RCOR1: variants seen among roughly 807,000 people sequenced by gnomAD.
The protein encoded by RCOR1 is REST corepressor 1.
In RCOR1, 12 loss-of-function variants were observed where a neutral mutation model predicts 64.0. The observed-to-expected ratio is 0.19, with a 90% CI of 0.12 to 0.30. The LOEUF is 0.30. Among genes scored for constraint, RCOR1 ranks in the 10% least tolerant of loss-of-function variants. The pLI, the probability that RCOR1 is intolerant of heterozygous loss-of-function variation, is 1.00. For missense variants in RCOR1, 502 were observed against 621.2 expected (o/e 0.81, Z 2.04); for synonymous variants, 279 against 227.2 (o/e 1.23, Z -2.05).
At chr14:102,593,363 G>A in intron 2 of RCOR1, 38 bp downstream of exon 2, 1 of 1,494,512 alleles carries the variant, frequency 6.7e-7, no homozygotes, top group Non-Finnish European at 8.8e-7. Context: ...GCGGGGATGA[G>A]CGGGAGCCCC....
At chr14:102,692,054 T>C (rs1435167106) in intron 3 of RCOR1, among the ~76,000 whole-genome samples, 1 of 152,238 alleles carries the variant, frequency 6.6e-6, no homozygotes, top group African/African-American at 2.4e-5. Flanking sequence ...TTGTTGGACT[T>C]ATACGTGTTA....
In RCOR1 at chr14:102,636,681, T is replaced by C. The variant is rs182841364; in HGVS notation, c.361+43356T>C. On this transcript the variant is annotated intron_variant, in intron 2 of 11. Transcript: ENST00000262241. ...TGAGTTTCTTATTGGTTTATAAGAA[T>C]TTTTTTTGCTGGGTGCAGTGGCTCA... Among the ~76,000 whole-genome samples, 20 of 152,004 alleles carry C rather than the reference T, an allele frequency of 1.3e-4. No individual in the cohort carries two copies. The East Asian group carries it at 3.9e-3, about 29-fold the overall frequency.
rs116255471 is a variant in RCOR1, at chr14:102,700,678, G to C, written c.446-600G>C. On this transcript the variant is annotated intron_variant, in intron 3 of 11. Transcript: ENST00000262241. ...GCCTTTGTTTTTCTCTTTTAAAGAA[G>C]ACTCATAATCTCATCACCAGGTGAT... 2.6e-3 allele frequency among the ~76,000 whole-genome samples: 395 copies of C among 152,344 alleles called. 2 individuals are homozygous for C. Among genetic ancestry groups the C allele is most frequent in the African/African-American group, 8.7e-3 (362 of 41,576 alleles).
chr14:102,729,711 C>T lies in RCOR1; in HGVS notation c.*3205C>T, dbSNP rs897852103. 1.0e-5 allele frequency: 4 copies of T among 397,204 alleles called. No individual in the cohort carries two copies. The highest frequency in any genetic ancestry group is 1.8e-5 in the Non-Finnish European group (4 of 225,534). 24.6% of individuals were successfully genotyped at this position (397,204 alleles called of 1,614,324 possible). ...TGCTCATTGTCACTTTAAATTTCAACGATACCCTATTTTTGTCATTCTAAA... is the reference window on the plus strand; with the variant it reads ...TGCTCATTGTCACTTTAAATTTCAATGATACCCTATTTTTGTCATTCTAAA... On this transcript the variant is annotated 3_prime_UTR_variant, in exon 12 of 12. Coordinates refer to ENST00000262241, the MANE Select transcript of RCOR1 (RefSeq NM_015156.4).
rs560749750 is a variant in RCOR1, at chr14:102,618,670, G to A, written c.361+25345G>A. 5.9e-5 allele frequency among the ~76,000 whole-genome samples: 9 copies of A among 152,278 alleles called. No individual in the cohort carries two copies. The East Asian group carries it at 7.7e-4, about 13-fold the overall frequency. The stretch of plus-strand genomic sequence containing the variant: ...GTTTAGTAATTTGCTTTTAAGTGAC[G>A]TTTGTACATTTTAGAAAATAACTTT... On this transcript the variant is annotated intron_variant, in intron 2 of 11. Coordinates refer to ENST00000262241, the MANE Select transcript of RCOR1 (RefSeq NM_015156.4).
intron 2 of RCOR1, chr14:102,658,741 C>A: frequency 1.6e-6 from 1 of 619,114 alleles, no homozygotes; most frequent in Non-Finnish European, 2.0e-6. Flanking sequence ...CCATTAATGT[C>A]CATTTCTGTT....
At chr14:102,655,397 T>G in intron 2 of RCOR1, 4 of 985,392 alleles carry the variant, frequency 4.1e-6, no homozygotes, top group Non-Finnish European at 4.8e-6. Context: ...TGAAGCTCAT[T>G]GACATTCCTT....
chr14:102,598,786 G>C (rs1248814829), intron 2 of RCOR1, among the ~76,000 whole-genome samples: 1 of 152,052 alleles, frequency 6.6e-6, no homozygotes, highest in Non-Finnish European at 1.5e-5. Context: ...ACCTAGATTA[G>C]ATCGGTGTAG....
intron 3 of RCOR1, among the ~76,000 whole-genome samples, chr14:102,698,479 A>G (rs1895689738): frequency 1.3e-5 from 2 of 152,230 alleles, no homozygotes; most frequent in South Asian, 4.1e-4. Context: ...GGTAGATAAT[A>G]GTGTGCTCTG....
intron 11 of RCOR1, among the ~76,000 whole-genome samples, chr14:102,724,486 C>T (rs1409559175): frequency 6.6e-6 from 1 of 152,114 alleles, no homozygotes; most frequent in Admixed American, 6.5e-5. Context: ...TGTGCACCAC[C>T]ATGCTTGGCT....
intron 2 of RCOR1, among the ~76,000 whole-genome samples, chr14:102,605,043 G>A (rs1347144103): frequency 1.4e-5 from 2 of 141,714 alleles, no homozygotes; most frequent in African/African-American, 5.3e-5. Context: ...ACTCCAGCCT[G>A]GGTGACAGAG....
chr14:102,618,352 C>A (rs1893805793), intron 2 of RCOR1, among the ~76,000 whole-genome samples: 1 of 151,844 alleles, frequency 6.6e-6, no homozygotes, highest in South Asian at 2.1e-4. Context: ...TGCCTGTAAT[C>A]CCAGCACTTA....
rs144874560 is a variant in RCOR1, at chr14:102,701,854, A to G, written c.498+524A>G. ...GTAATTCTCGTGCCTCGGCCTCTCAAGTAGCTGAGATTACAGGTGCACACC... is the reference window on the plus strand; with the variant it reads ...GTAATTCTCGTGCCTCGGCCTCTCAGGTAGCTGAGATTACAGGTGCACACC... On this transcript the variant is annotated intron_variant, in intron 4 of 11. Coordinates refer to ENST00000262241, the MANE Select transcript of RCOR1 (RefSeq NM_015156.4). 7.0e-3 allele frequency among the ~76,000 whole-genome samples: 1,071 copies of G among 152,286 alleles called. 10 individuals are homozygous for G. The highest frequency in any genetic ancestry group is 0.024 in the African/African-American group (983 of 41,560).
intron 2 of RCOR1, among the ~76,000 whole-genome samples, chr14:102,593,987 A>G (rs1473006135): frequency 6.6e-6 from 1 of 152,166 alleles, no homozygotes; most frequent in Non-Finnish European, 1.5e-5. Context: ...AGAGATTGTG[A>G]AATTGAGAAG....
At chr14:102,635,100 C>G (rs1429218583) in intron 2 of RCOR1, among the ~76,000 whole-genome samples, 1 of 152,074 alleles carries the variant, frequency 6.6e-6, no homozygotes, top group African/African-American at 2.4e-5. Context: ...TCCTAAAGTG[C>G]TAGGATTACA....
At chr14:102,655,110 CTTTTTTTTTTTTTTTTTTTTT>C in intron 2 of RCOR1, 2 of 103,380 alleles carry the variant, frequency 1.9e-5, no homozygotes, top group South Asian at 4.1e-4. Context: ...CGCGGACAAC[CTTTTTTTTTTTTTTTTTTTTT>C]TTTTAAGCTA....
At chr14:102,628,359 C>T (rs991652854) in intron 2 of RCOR1, among the ~76,000 whole-genome samples, 5 of 152,170 alleles carry the variant, frequency 3.3e-5, no homozygotes, top group African/African-American at 9.7e-5. Flanking sequence ...TTAACCATTA[C>T]AGAACCTTTT....
intron 2 of RCOR1, chr14:102,649,667 C>T (rs1894546166): frequency 2.9e-6 from 1 of 347,168 alleles, no homozygotes; most frequent in Non-Finnish European, 4.1e-6. Context: ...TTAAGACCTC[C>T]ACTGAAGCAG....
At chr14:102,711,489 A>G (rs1395609812) in intron 7 of RCOR1, among the ~76,000 whole-genome samples, 1 of 152,238 alleles carries the variant, frequency 6.6e-6, no homozygotes, top group Non-Finnish European at 1.5e-5. Context: ...GGGAGCCAGG[A>G]CCATCCTCTC....
Sources: gnomAD v4.1 joint callset for allele counts (sites outside exome capture counted in the v4.1 genomes callset) on GRCh38, gnomAD v4.1.1 for gene constraint, MANE v1.5 for transcripts, NCBI Gene and HGNC (gene_info 2026-07-23, HGNC 2026-07-21) for gene names.